The following POLRMT variants were observed in gnomAD, a reference collection of about 807,000 sequenced individuals.
The protein encoded by POLRMT is RNA polymerase mitochondrial.
In POLRMT, 114 loss-of-function variants were observed where a neutral mutation model predicts 132.2. The ratio of observed to expected loss-of-function variants is 0.86; its 90% CI spans 0.74 to 1.01. The LOEUF is 1.01. POLRMT is among the 50% of genes least tolerant of loss of function. The pLI is 0.00. For synonymous variants in POLRMT, 1,020 were observed against 773.4 expected (o/e 1.32, Z -5.29); for missense variants, 2,003 against 1,729.1 (o/e 1.16, Z -2.81).
At chr19:629,166 G>GC (rs1985228843) in intron 3 of POLRMT, among the ~76,000 whole-genome samples, 1 of 152,054 alleles carries the variant, frequency 6.6e-6, no homozygotes, top group Admixed American at 6.6e-5. Flanking sequence ...CAGCACAGCA[G>GC]CCCGACCTTC....
chr19:619,842 C>T (rs1025390531), intron 12 of POLRMT, 77 bp from the exon 13 acceptor site: 15 of 1,553,092 alleles, frequency 9.7e-6, no homozygotes, highest in South Asian at 3.6e-5. Context: ...ATGAAGCCCC[C>T]GCCCCAGCCC....
chr19:619,274 T>C lies in POLRMT; in HGVS notation c.3089A>G (p.His1030Arg), dbSNP rs761487622. The part of the protein sequence containing the change: ...FPQEFVWEAS[H>R]YLVRQVFKSL... ...CTTGAAGACCTGGCGTACGAGATAG[T>C]GAGAGGCCTCCCACACGAACTCCTG... Residue 1030 changes from histidine to arginine, a missense_variant, in exon 14 of 21, where the codon CAC (histidine) becomes CGC (arginine). Transcript: ENST00000588649. 6 of 1,602,158 alleles carry C rather than the reference T, an allele frequency of 3.7e-6. No homozygotes were observed. Among genetic ancestry groups the C allele is most frequent in the South Asian group, 2.2e-5 (2 of 90,396 alleles).
At chr19:617,909 G>C (rs913592519) in intron 17 of POLRMT, 60 bp from the exon 18 acceptor site, 2 of 1,505,218 alleles carry the variant, frequency 1.3e-6, no homozygotes, top group Non-Finnish European at 1.8e-6. Flanking sequence ...CCAGTGACCA[G>C]CATCCTGGCC....
chr19:630,150 C>T lies in POLRMT; in HGVS notation c.212G>A (p.Arg71Gln), dbSNP rs1377369502. 2.6e-5 allele frequency: 41 copies of T among 1,598,770 alleles called. No individual in the cohort carries two copies. Among genetic ancestry groups the T allele is most frequent in the Middle Eastern group, 1.7e-4 (1 of 6,018 alleles). The stretch of plus-strand genomic sequence containing the variant: ...CGACACGCTCTCAGCCTGCAGCTGC[C>T]GCACCCGCGCCTGGAGCACTGTGAG... ...ELLEVLQARV[R>Q]QLQAESVSEV... The change falls in exon 3 of 21, where the codon CGG becomes CAG. Residue 71 changes from arginine to glutamine, a missense_variant. Transcript: ENST00000588649.
intron 3 of POLRMT, among the ~76,000 whole-genome samples, chr19:627,924 CA>C (rs35674455): frequency 0.25 from 25,148 of 101,676 alleles, 2,148 homozygotes; most frequent in South Asian, 0.35. Context: ...GAGTCTATCT[CA>C]AAAAAAAAAA....
Position 617,619 on chromosome 19 carries a change from G to A in POLRMT, c.3532C>T (p.Pro1178Ser). The A allele has an allele frequency of 1.2e-6, 2 of 1,612,362 alleles. No individual in the cohort carries two copies. The highest frequency in any genetic ancestry group is 1.7e-6 in the Non-Finnish European group (2 of 1,179,976). Residue 1178 changes from proline (P) to serine (S), a missense_variant, in exon 19 of 21, where the codon CCC (proline) becomes TCC (serine). Physicochemically the swap from Pro to Ser is moderately conservative, Grantham distance 74. Coordinates refer to ENST00000588649, the MANE Select transcript of POLRMT (RefSeq NM_005035.4). ...AATCTGGACAGGTCCTGCAGGATGG[G>A]CTCGCTGTGCAAGCGGACAAACTGC... Reference protein sequence around the residue: ...REQFVRLHSEPILQDLSRFLV... With the variant: ...REQFVRLHSESILQDLSRFLV...
chr19:633,070 T>C (rs756722661), intron 1 of POLRMT, 132 bp from the exon 2 acceptor site: 27 of 710,554 alleles, frequency 3.8e-5, no homozygotes, highest in Non-Finnish European at 5.2e-5. Flanking sequence ...CGGGCTTAAG[T>C]TGGAAAGAAA....
At chr19:620,284 G>GA (rs1984414159) in intron 11 of POLRMT, 81 bp downstream of exon 11, 1 of 1,470,122 alleles carries the variant, frequency 6.8e-7, no homozygotes, top group Admixed American at 2.4e-5. Flanking sequence ...CACGAGCGAA[G>GA]GTGAAATCTC....
chr19:619,111 C>G lies in POLRMT; in HGVS notation c.3154-1G>C. The G allele has an allele frequency of 1.2e-6, 2 of 1,611,670 alleles. No individual in the cohort carries two copies. Among genetic ancestry groups the G allele is most frequent in the Non-Finnish European group, 1.7e-6 (2 of 1,179,218 alleles). ...GGCGGGCACTCTCGGTCAGCCAGTG[C>G]TGTGGGACACAGGCCGTCTCAGGGC... On this transcript the variant is annotated splice_acceptor_variant, in intron 14 of 20. Transcript: ENST00000588649. LOFTEE classifies it high-confidence loss of function.
intron 3 of POLRMT, 158 bp from the exon 4 acceptor site, chr19:625,412 G>A: frequency 1.1e-6 from 1 of 942,792 alleles, no homozygotes; most frequent in East Asian, 2.8e-5. Context: ...TCCCCCTGAG[G>A]TTCTGACACA....
At chr19:623,030 G>A in intron 6 of POLRMT, 45 bp from the exon 7 acceptor site, 2 of 1,598,120 alleles carry the variant, frequency 1.3e-6, no homozygotes, top group Non-Finnish European at 1.7e-6. Flanking sequence ...GCAGCTGGTG[G>A]GACCCAGGCT....
intron 17 of POLRMT, chr19:618,177 C>T (rs753770524): frequency 8.2e-5 from 45 of 548,076 alleles, no homozygotes; most frequent in Admixed American, 7.1e-4. Flanking sequence ...CTCCCGTGGC[C>T]GGTAGATTCT....
Position 623,550 on chromosome 19 carries a change from G to A in POLRMT, c.1194C>T (p.Cys398=). The A allele has an allele frequency of 6.2e-7, 1 of 1,613,716 alleles. No homozygotes were observed. The highest frequency in any genetic ancestry group is 8.5e-7 in the Non-Finnish European group (1 of 1,180,004). Residue 398 remains cysteine (C), a synonymous_variant, in exon 6 of 21, where the codon TGC becomes TGT. Coordinates refer to ENST00000588649, the MANE Select transcript of POLRMT (RefSeq NM_005035.4). ...KLHLPLKTLQ[C]LFEKQLHMEL... ...CCATGTGGAGCTGCTTCTCAAAGAG[G>A]CACTGCAGGGTCTTCAAGGGCAGGT... is the stretch of plus-strand genomic sequence containing the variant.
rs573161095 is a variant in POLRMT, at chr19:621,289, G to C, written c.2409C>G (p.Arg803=). The stretch of plus-strand genomic sequence containing the variant: ...GCGGCGGGCAGGGGTAGGTGCGGCC[G>C]CGGAAGTCCATGTTGTGCGGCAGCC... ...VFWLPHNMDF[R]GRTYPCPPHF... is the part of the protein sequence containing the mutation. Residue 803 remains arginine, a synonymous_variant, in exon 10 of 21, where the codon CGC becomes CGG. Coordinates refer to ENST00000588649, the MANE Select transcript of POLRMT (RefSeq NM_005035.4). 3 of 1,604,126 alleles carry C rather than the reference G, an allele frequency of 1.9e-6. No individual in the cohort carries two copies. Among genetic ancestry groups the C allele is most frequent in the Non-Finnish European group, 1.7e-6 (2 of 1,177,536 alleles).
At chr19:618,968 A>G (rs1318012449) in intron 15 of POLRMT, 29 bp downstream of exon 15, 1 of 1,515,250 alleles carries the variant, frequency 6.6e-7, no homozygotes, top group African/African-American at 1.4e-5. Flanking sequence ...ATGGTGGCAC[A>G]CTGGGGAGGG....
In POLRMT at chr19:623,730, C is replaced by CG. The variant is rs1270932493; in HGVS notation, c.1141-128dup. 14 of 1,135,804 alleles carry CG rather than the reference C, an allele frequency of 1.2e-5. No individual in the cohort carries two copies. The East Asian group carries it at 3.5e-4, about 29-fold the overall frequency. 70.4% of individuals were successfully genotyped at this position (1,135,804 alleles called of 1,614,324 possible). A position where few individuals can be genotyped will look rare whatever the true frequency, so the allele number is the denominator to read the frequency against. ...AAGTTGCTGGTGGCTATCGCTGACG[C>CG]GGGGAAAGGCGGGCTGCGGGTAAAG... On this transcript the variant is annotated intron_variant, in intron 5 of 20. Coordinates refer to ENST00000588649, the MANE Select transcript of POLRMT (RefSeq NM_005035.4).
Position 619,016 on chromosome 19 carries a change from C to T in POLRMT, c.3248G>A (p.Arg1083His), listed in dbSNP as rs1393596779. ...ACTGACCTTGACCTTGGAGTCCAGG[C>T]GATAGGGCTGGATGACGGGGACGCC... is the stretch of plus-strand genomic sequence containing the variant. ...PLGVPVIQPY[R>H]LDSKVKQIGG... The change falls in exon 15 of 21, where the codon CGC (arginine) becomes CAC (histidine). Residue 1083 changes from arginine to histidine, a missense_variant. Coordinates refer to ENST00000588649, the MANE Select transcript of POLRMT (RefSeq NM_005035.4). 6.9e-6 allele frequency: 11 copies of T among 1,592,180 alleles called. No individual in the cohort carries two copies. Among genetic ancestry groups the T allele is most frequent in the African/African-American group, 1.4e-5 (1 of 73,966 alleles).
At position 622,828 on chromosome 19, in the gene POLRMT, A is replaced by C. The variant is rs773776137; in HGVS notation, c.1448T>G (p.Leu483Arg). ...LLDEREVVRM[L>R]LQVLQALPAQ... ...GCGCGGAGGAAGACGCACCTGCAGG[A>C]GCATCCGCACCACCTCGCGCTCGTC... The change falls in exon 7 of 21, where the codon CTC becomes CGC. Residue 483 changes from leucine to arginine, a missense_variant. Physicochemically the swap from Leu to Arg is moderately radical, Grantham distance 102. Coordinates refer to ENST00000588649, the MANE Select transcript of POLRMT (RefSeq NM_005035.4). 3 of 1,594,472 alleles carry C rather than the reference A, an allele frequency of 1.9e-6. No homozygotes were observed. The highest frequency in any genetic ancestry group is 2.3e-5 in the South Asian group (2 of 88,676).
intron 6 of POLRMT, among the ~76,000 whole-genome samples, 197 bp downstream of exon 6, chr19:623,257 T>C (rs1337234538): frequency 6.6e-6 from 1 of 152,240 alleles, no homozygotes; most frequent in Non-Finnish European, 1.5e-5. Context: ...GCAGCCAGGC[T>C]GAGTTCCTAG....
Sources: gnomAD v4.1 joint callset for allele counts (sites outside exome capture counted in the v4.1 genomes callset) on GRCh38, gnomAD v4.1.1 for gene constraint, MANE v1.5 for transcripts, NCBI Gene and HGNC (gene_info 2026-07-23, HGNC 2026-07-21) for gene names.